Variants in CDCA3 observed in about 807,000 individuals in gnomAD.
CDCA3 encodes the protein cell division cycle-associated protein 3.
A neutral mutation model predicts 29.1 loss-of-function variants in CDCA3; 16 were observed. That is an observed-to-expected ratio of 0.55 (90% CI 0.37 to 0.83). The LOEUF is 0.83. CDCA3 is among the 40% of genes least tolerant of loss of function. The pLI is 0.00. For synonymous variants in CDCA3, 88 were observed against 124.5 expected (o/e 0.71, Z 1.95); for missense variants, 291 against 327.2 (o/e 0.89, Z 0.85).
At chr12:6,848,244 G>T (rs61078661), downstream of CDCA3, 1,505 of 152,328 alleles carry the variant, frequency 9.9e-3, 184 homozygotes, top group East Asian at 0.26. Flanking sequence ...CCCAGCTACT[G>T]GAGAGGCTGA....
Position 6,850,324 on chromosome 12 carries a change from C to A in CDCA3, c.250+143G>T. 8.6e-7 allele frequency: 1 copy of A among 1,164,122 alleles called. No individual in the cohort carries two copies. Among genetic ancestry groups the A allele is most frequent in the African/African-American group, 1.5e-5 (1 of 65,056 alleles). The allele number at this position is 1,164,122 out of a possible 1,614,324, so 72.1% of individuals were successfully genotyped here. A position where few individuals can be genotyped will look rare whatever the true frequency, so the allele number is the denominator to read the frequency against. On this transcript the variant is annotated intron_variant, in intron 3 of 5. Coordinates refer to ENST00000538862, the MANE Select transcript of CDCA3 (RefSeq NM_031299.7). This position sits in a 1 kb window ranked among gnomAD's most constrained non-coding sequence, Gnocchi z 4.7. The stretch of plus-strand genomic sequence containing the variant: ...TGAGCCACCGCACCCAGGCTGGGAA[C>A]AAAATATTGAGATAAGAGTGAGATG...
Position 6,849,013 on chromosome 12 carries a change from G to A in CDCA3, c.*30C>T, listed in dbSNP as rs201794409. On this transcript the variant is annotated 3_prime_UTR_variant, in exon 6 of 6. Transcript: ENST00000538862. The surrounding 1 kb of genome is among the most constrained non-coding windows in gnomAD (Gnocchi z 5.2). ...AGGACACAGATATCACCAGGCCCTG[G>A]GTGACTGCATTGCTGGGGCCATGCA... The A allele has an allele frequency of 2.5e-5, 20 of 802,886 alleles. No individual in the cohort carries two copies. Among genetic ancestry groups the A allele is most frequent in the East Asian group, 2.4e-4 (10 of 41,326 alleles). The allele number at this position is 802,886 out of a possible 1,614,324, so 49.7% of individuals were successfully genotyped here.
downstream of CDCA3, chr12:6,845,897 A>C (rs1943687683): frequency 2.5e-6 from 2 of 813,074 alleles, no homozygotes; most frequent in Non-Finnish European, 4.0e-6. Flanking sequence ...CCCATTTCGG[A>C]CTCTCTTACT....
rs1461821328 is a variant in CDCA3, at chr12:6,851,261, G to C, written c.-97C>G. 58 of 1,145,252 alleles carry C rather than the reference G, an allele frequency of 5.1e-5. No homozygotes were observed. Among genetic ancestry groups the C allele is most frequent in the Non-Finnish European group, 6.1e-5 (57 of 928,420 alleles). The allele number at this position is 1,145,252 out of a possible 1,614,324, so 70.9% of individuals were successfully genotyped here. A position where few individuals can be genotyped will look rare whatever the true frequency, so the allele number is the denominator to read the frequency against. On this transcript the variant is annotated 5_prime_UTR_variant, in exon 1 of 6. Coordinates refer to ENST00000538862, the MANE Select transcript of CDCA3 (RefSeq NM_031299.7). ...ACCTCTGGATGCACAACAGCTCGTG[G>C]CTCAACTCCCGAAGTTACCAGTTTC...
downstream of CDCA3, chr12:6,845,729 T>A (rs1185233553): frequency 6.2e-7 from 1 of 1,613,960 alleles, no homozygotes; most frequent in Non-Finnish European, 8.5e-7. Context: ...TCTCCCTCAG[T>A]GGCCGCCTAC....
In CDCA3 at chr12:6,850,942, G is replaced by T; in HGVS notation, c.11C>A (p.Ala4Asp). The T allele has an allele frequency of 6.2e-7, 1 of 1,609,894 alleles. No individual in the cohort carries two copies. ...CGCTGGTGTGACTGGGACGCTCTTG[G>T]CTGAGCCCATCTCAACCAGGAGTTG... Reference protein sequence around the residue: MGSAKSVPVTPARP... With the variant: MGSDKSVPVTPARP... Residue 4 changes from alanine to aspartate, a missense_variant, in exon 2 of 6, where the codon GCC becomes GAC. Coordinates refer to ENST00000538862, the MANE Select transcript of CDCA3 (RefSeq NM_031299.7). The surrounding 1 kb of genome is among the most constrained non-coding windows in gnomAD (Gnocchi z 4.7).
downstream of CDCA3, chr12:6,847,204 GC>G: frequency 2.8e-6 from 1 of 362,044 alleles, no homozygotes; most frequent in Non-Finnish European, 5.2e-6. Context: ...TGAGTCTGAG[GC>G]CCCAGGCCCT....
downstream of CDCA3, chr12:6,846,564 G>C: frequency 2.3e-6 from 1 of 439,286 alleles, no homozygotes; most frequent in Non-Finnish European, 4.1e-6. Context: ...CTTCTTCAGG[G>C]GTTGAGCCCA....
Position 6,850,547 on chromosome 12 carries a change from C to A in CDCA3, c.170G>T (p.Gly57Val). ...PGLPAGEQLEGLKHAQDSDPR... is the reference protein window; with the variant it reads ...PGLPAGEQLEVLKHAQDSDPR... ...ATCTGAGTCCTGGGCATGTTTAAGA[C>A]CCTCCAGTTGCTCCCCTGCTGGTAG... is the stretch of plus-strand genomic sequence containing the variant. Residue 57 changes from glycine (G) to valine (V), a missense_variant, in exon 3 of 6, where the codon GGT becomes GTT. Transcript: ENST00000538862. This position sits in a 1 kb window ranked among gnomAD's most constrained non-coding sequence, Gnocchi z 4.7. 9.3e-6 allele frequency: 15 copies of A among 1,614,074 alleles called. No individual in the cohort carries two copies. Among genetic ancestry groups the A allele is most frequent in the Non-Finnish European group, 1.3e-5 (15 of 1,180,014 alleles).
chr12:6,845,421 G>C (rs539066724), downstream of CDCA3: 2 of 612,580 alleles, frequency 3.3e-6, no homozygotes, highest in African/African-American at 1.8e-5. Context: ...CTGGCACGTG[G>C]TATGTGTTGG....
chr12:6,850,980 A>G lies in CDCA3; in HGVS notation c.-28T>C, dbSNP rs1555126379. On this transcript the variant is annotated 5_prime_UTR_variant, in exon 2 of 6. Coordinates refer to ENST00000538862, the MANE Select transcript of CDCA3 (RefSeq NM_031299.7). The surrounding 1 kb of genome is among the most constrained non-coding windows in gnomAD (Gnocchi z 4.7). ...CAACCAGGAGTTGCAGGGTGGGGGC[A>G]AGGGCCAGCCCGGGACGAGGAGGGA... is the stretch of plus-strand genomic sequence containing the variant. 1.3e-6 allele frequency: 2 copies of G among 1,600,004 alleles called. No homozygotes were observed. Among genetic ancestry groups the G allele is most frequent in the Admixed American group, 3.4e-5 (2 of 59,296 alleles).
Position 6,849,234 on chromosome 12 carries a change from T to C in CDCA3, c.652-36A>G. On this transcript the variant is annotated intron_variant, in intron 5 of 5. Coordinates refer to ENST00000538862, the MANE Select transcript of CDCA3 (RefSeq NM_031299.7). The surrounding 1 kb of genome is among the most constrained non-coding windows in gnomAD (Gnocchi z 5.2). ...CAGTGTATGAGTTGGGGGGAGTTGC[T>C]GTTCAGAAGAGGGAAGATCTGGGTA... The C allele has an allele frequency of 6.2e-7, 1 of 1,613,018 alleles. No individual in the cohort carries two copies. The highest frequency in any genetic ancestry group is 8.5e-7 in the Non-Finnish European group (1 of 1,179,238).
At chr12:6,846,900 G>A, downstream of CDCA3, 6 of 1,550,512 alleles carry the variant, frequency 3.9e-6, no homozygotes, top group African/African-American at 1.3e-5. Flanking sequence ...TGGAACTGAG[G>A]AGGCTGGAGA....
chr12:6,847,300 C>T (rs782247162), downstream of CDCA3: 22 of 220,120 alleles, frequency 1.0e-4, no homozygotes, highest in Admixed American at 4.2e-4. Flanking sequence ...TCTGGCACCA[C>T]TAGGGTCCTG....
Position 6,850,294 on chromosome 12 carries a change from A to G in CDCA3, c.250+173T>C. The G allele has an allele frequency of 1.2e-6, 1 of 845,190 alleles. No individual in the cohort carries two copies. Among genetic ancestry groups the G allele is most frequent in the Non-Finnish European group, 1.8e-6 (1 of 543,954 alleles). The allele number at this position is 845,190 out of a possible 1,614,324, so 52.4% of individuals were successfully genotyped here. The stretch of plus-strand genomic sequence containing the variant: ...CGGCCTTCCAACGTGCTGGGATTAC[A>G]GGCATGAGCCACCGCACCCAGGCTG... On this transcript the variant is annotated intron_variant, in intron 3 of 5. Coordinates refer to ENST00000538862, the MANE Select transcript of CDCA3 (RefSeq NM_031299.7). This position sits in a 1 kb window ranked among gnomAD's most constrained non-coding sequence, Gnocchi z 4.7.
downstream of CDCA3, among the ~76,000 whole-genome samples, chr12:6,847,715 T>C (rs782505968): frequency 3.9e-5 from 6 of 152,260 alleles, no homozygotes; most frequent in African/African-American, 1.4e-4. Flanking sequence ...TGAGAAGCCA[T>C]TGAGGAGTTC....
At chr12:6,846,035 TG>T, downstream of CDCA3, 1 of 536,724 alleles carries the variant, frequency 1.9e-6, no homozygotes, top group Non-Finnish European at 3.4e-6. Flanking sequence ...GACTGCTCCC[TG>T]CCCTAGGAGA....
Position 6,851,218 on chromosome 12 carries a change from T to C in CDCA3, c.-58+4A>G. ...TTATTTATTAAATTATTCAAATCAC[T>C]TACCGGGCCCCAATTCCACCTCTGG... On this transcript the variant is annotated splice_donor_region_variant and intron_variant, in intron 1 of 5. Transcript: ENST00000538862. 1 of 1,253,900 alleles carries C rather than the reference T, an allele frequency of 8.0e-7. No individual in the cohort carries two copies. Among genetic ancestry groups the C allele is most frequent in the Non-Finnish European group, 1.0e-6 (1 of 996,154 alleles). The allele number at this position is 1,253,900 out of a possible 1,614,324, so 77.7% of individuals were successfully genotyped here.
At position 6,850,104 on chromosome 12, in the gene CDCA3, A is replaced by G. The variant is rs782559766; in HGVS notation, c.251-246T>C. ...AGCCTTGACCTTGTGGGCTCAAGCA[A>G]TCCTCCCACTTCAGCCTCCTGAGTA... On this transcript the variant is annotated intron_variant, in intron 3 of 5. Coordinates refer to ENST00000538862, the MANE Select transcript of CDCA3 (RefSeq NM_031299.7). This position sits in a 1 kb window ranked among gnomAD's most constrained non-coding sequence, Gnocchi z 4.7. 2.8e-5 allele frequency: 14 copies of G among 507,902 alleles called. No individual in the cohort carries two copies. The highest frequency in any genetic ancestry group is 2.5e-4 in the African/African-American group (13 of 52,030). 31.5% of individuals were successfully genotyped at this position (507,902 alleles called of 1,614,324 possible).
Sources: allele counts gnomAD v4.1 joint callset (sites outside exome capture counted in the v4.1 genomes callset), GRCh38; gene constraint gnomAD v4.1.1; non-coding constraint Gnocchi (gnomAD v3.1); transcripts MANE v1.5; gene names NCBI Gene and HGNC (gene_info 2026-07-23, HGNC 2026-07-21).